Variants in RBPJ observed in about 807,000 individuals in gnomAD.
RBPJ encodes the protein recombining binding protein suppressor of hairless.
Under a neutral mutation model 67.8 loss-of-function variants are expected in RBPJ, and 9 were observed. The observed-to-expected ratio is 0.13, with a 90% CI of 0.08 to 0.23. RBPJ has a LOEUF of 0.23. RBPJ is among the 10% of genes least tolerant of loss of function. The pLI is 1.00. For synonymous variants in RBPJ, 198 were observed against 203.3 expected, an observed-to-expected ratio of 0.97 and a Z score of 0.22; for missense variants, 305 against 595.6, an observed-to-expected ratio of 0.51 and a Z score of 5.08.
At chr4:26,339,954 G>T (rs1201657496) in intron 1 of RBPJ, among the ~76,000 whole-genome samples, 1 of 152,086 alleles carries the variant, frequency 6.6e-6, no homozygotes, top group African/African-American at 2.4e-5. Context: ...GGGATGCGGA[G>T]GTTGCAGTGA....
intron 1 of RBPJ, among the ~76,000 whole-genome samples, chr4:26,361,812 TA>T (rs1232441843): frequency 6.6e-6 from 1 of 152,156 alleles, no homozygotes; most frequent in East Asian, 1.9e-4. Flanking sequence ...AAAAATGAAA[TA>T]TTTTTTATGT....
At chr4:26,178,448 A>AT (rs928407290) in intron 1 of RBPJ, among the ~76,000 whole-genome samples, 5 of 151,836 alleles carry the variant, frequency 3.3e-5, no homozygotes, top group African/African-American at 1.2e-4. Context: ...CTGTACAAAA[A>AT]TTTTTTTTAA....
intron 1 of RBPJ, among the ~76,000 whole-genome samples, chr4:26,172,918 A>G (rs1716646854): frequency 6.6e-6 from 1 of 152,200 alleles, no homozygotes; most frequent in Non-Finnish European, 1.5e-5. Flanking sequence ...ACACATAGTC[A>G]TATGCCTGGC....
chr4:26,199,873 T>C (rs981915364), intron 1 of RBPJ, among the ~76,000 whole-genome samples: 1 of 152,248 alleles, frequency 6.6e-6, no homozygotes, highest in Non-Finnish European at 1.5e-5. Context: ...TTAAAATTCT[T>C]AAAACACATG....
intron 1 of RBPJ, among the ~76,000 whole-genome samples, chr4:26,229,350 T>C (rs1211585044): frequency 6.6e-6 from 1 of 152,182 alleles, no homozygotes; most frequent in Admixed American, 6.5e-5. Context: ...TCTATGGGGC[T>C]GAACCCTGGC....
chr4:26,187,682 T>G (rs1032006968), intron 1 of RBPJ, among the ~76,000 whole-genome samples: 4 of 152,174 alleles, frequency 2.6e-5, no homozygotes, highest in South Asian at 2.1e-4. Flanking sequence ...CTATCCTGTT[T>G]TTCTTTTTCA....
chr4:26,158,650 A>G (rs1249317539), upstream of RBPJ, among the ~76,000 whole-genome samples: 2 of 152,150 alleles, frequency 1.3e-5, no homozygotes, highest in African/African-American at 2.4e-5. Context: ...TTCTGGCTCA[A>G]TTTTCTGCCT....
intron 1 of RBPJ, among the ~76,000 whole-genome samples, chr4:26,258,548 G>C (rs1004182584): frequency 6.6e-6 from 1 of 152,108 alleles, no homozygotes; most frequent in Non-Finnish European, 1.5e-5. Context: ...TGGCCATGAT[G>C]GTAGGATCAT....
intron 8 of RBPJ, among the ~76,000 whole-genome samples, chr4:26,429,258 C>T (rs568295868): frequency 7.2e-5 from 11 of 152,214 alleles, no homozygotes; most frequent in Admixed American, 5.9e-4. Flanking sequence ...TCGTGGTTTC[C>T]GAAGATAGTA....
chr4:26,335,911 C>T (rs1442384871), intron 1 of RBPJ, among the ~76,000 whole-genome samples: 1 of 152,182 alleles, frequency 6.6e-6, no homozygotes, highest in Admixed American at 6.5e-5. Context: ...GCATGAGCCA[C>T]CACGCCCGGC....
chr4:26,242,673 T>C (rs901176642), intron 1 of RBPJ, among the ~76,000 whole-genome samples: 7 of 136,252 alleles, frequency 5.1e-5, no homozygotes, highest in African/African-American at 1.4e-4. Flanking sequence ...TTAGTCATCA[T>C]GGAATTTTTC....
the RBPJ span, among the ~76,000 whole-genome samples, chr4:26,137,874 C>A: frequency 1.3e-5 from 2 of 152,194 alleles, no homozygotes; most frequent in African/African-American, 4.8e-5. Flanking sequence ...CCCTGCCCCC[C>A]TTCAGGGACG....
chr4:26,360,512 C>A (rs1727923774), intron 1 of RBPJ, among the ~76,000 whole-genome samples: 1 of 151,914 alleles, frequency 6.6e-6, no homozygotes, highest in Non-Finnish European at 1.5e-5. Flanking sequence ...AAAAGTTATA[C>A]CCTTGGGACC....
intron 1 of RBPJ, among the ~76,000 whole-genome samples, chr4:26,305,866 G>A (rs999383880): frequency 2.2e-5 from 3 of 133,414 alleles, no homozygotes; most frequent in Non-Finnish European, 3.1e-5. Context: ...TGCAACCTCC[G>A]CCTCCTGGGT....
chr4:26,133,645 C>G, the RBPJ span, among the ~76,000 whole-genome samples: 1 of 152,296 alleles, frequency 6.6e-6, no homozygotes, highest in East Asian at 1.9e-4. Context: ...CTATAGGGAA[C>G]TGCACATATG....
the RBPJ span, among the ~76,000 whole-genome samples, chr4:26,109,456 C>CTA: frequency 2.7e-4 from 5 of 18,668 alleles, 1 homozygote; most frequent in African/African-American, 6.1e-4. Flanking sequence ...CTCTCTCTCT[C>CTA]TCTCTATATA....
chr4:26,432,087 TC>T lies in RBPJ; in HGVS notation c.*1083del, dbSNP rs1363983410. ...ACATTTTATTTTGAACTTGGAATGT[TC>T]CCAGTGATTTCATTCAGCAGGGTAT... On this transcript the variant is annotated 3_prime_UTR_variant, in exon 11 of 11. Transcript: ENST00000355476. The T allele has an allele frequency of 1.3e-5, 2 of 152,244 alleles. No individual in the cohort carries two copies. The highest frequency in any genetic ancestry group is 2.9e-5 in the Non-Finnish European group (2 of 68,038). The allele number at this position is 152,244 out of a possible 1,614,324, so 9.4% of individuals were successfully genotyped here.
At chr4:26,138,239 T>C in the RBPJ span, among the ~76,000 whole-genome samples, 3 of 152,166 alleles carry the variant, frequency 2.0e-5, no homozygotes, top group African/African-American at 7.2e-5. Flanking sequence ...TTTTGGCTCA[T>C]GCAAATAAAT....
intron 1 of RBPJ, among the ~76,000 whole-genome samples, chr4:26,253,256 A>G (rs1197808498): frequency 6.6e-6 from 1 of 152,174 alleles, no homozygotes; most frequent in Non-Finnish European, 1.5e-5. Context: ...AAACAAAATT[A>G]AAACTCTTAA....
Sources: allele counts gnomAD v4.1 joint callset (sites outside exome capture counted in the v4.1 genomes callset), GRCh38; gene constraint gnomAD v4.1.1; transcripts MANE v1.5; gene names NCBI Gene and HGNC (gene_info 2026-07-23, HGNC 2026-07-21).